Variants in NCAM1 observed in about 807,000 individuals in gnomAD.
NCAM1 encodes the protein neural cell adhesion molecule 1.
In NCAM1, 14 loss-of-function variants were observed where a neutral mutation model predicts 109.8. The ratio of observed to expected loss-of-function variants is 0.13; its 90% CI spans 0.08 to 0.20. The LOEUF (loss-of-function observed/expected upper bound fraction) is 0.20, where lower values mean the gene tolerates loss of function less well. Ranked by LOEUF, NCAM1 falls within the 10% of genes least tolerant of loss-of-function variation. The pLI is 1.00. For missense variants in NCAM1, 774 were observed against 1,109.9 expected (o/e 0.70, Z 4.30); for synonymous variants, 418 against 442.9 (o/e 0.94, Z 0.70).
At chr11:113,237,881 T>G (rs55977018) in intron 14 of NCAM1, among the ~76,000 whole-genome samples, 51,072 of 116,854 alleles carry the variant, frequency 0.44, 10,286 homozygotes, top group East Asian at 0.62. Flanking sequence ...TAGATATATA[T>G]AGATATATAG....
At position 113,258,448 on chromosome 11, in the gene NCAM1, T is replaced by C. The variant is rs1176019985; in HGVS notation, c.1954-1698T>C. Among the ~76,000 whole-genome samples, 3 of 152,174 alleles carry C rather than the reference T, an allele frequency of 2.0e-5. 1 individual carries two copies. Among genetic ancestry groups the C allele is most frequent in the Non-Finnish European group, 4.4e-5 (3 of 68,020 alleles). ...CACTGCATGGAATAGAAAAACCTTA[T>C]TCAGTCCAACAGATGTTTGCTGAGC... On this transcript the variant is annotated intron_variant, in intron 16 of 19. Coordinates refer to ENST00000316851, the MANE Select transcript of NCAM1 (RefSeq NM_181351.5).
At chr11:113,180,179 C>CA (rs1943289026) in intron 1 of NCAM1, among the ~76,000 whole-genome samples, 1 of 152,152 alleles carries the variant, frequency 6.6e-6, no homozygotes. Context: ...ATCTCATAGG[C>CA]ATTGAACAGC....
intron 1 of NCAM1, among the ~76,000 whole-genome samples, chr11:113,199,609 AACATCACG>A (rs1159148251): frequency 2.0e-5 from 3 of 150,428 alleles, no homozygotes; most frequent in Non-Finnish European, 4.4e-5. Flanking sequence ...TGGGAAGGGG[AACATCACG>A]CTCTGGGGAC....
chr11:113,249,782 C>T (rs1945610396), intron 15 of NCAM1, among the ~76,000 whole-genome samples: 1 of 152,186 alleles, frequency 6.6e-6, no homozygotes, highest in Admixed American at 6.5e-5. Context: ...GAGAAGGGAA[C>T]TGGTATTTTT....
chr11:113,249,993 G>A (rs1945620895), intron 15 of NCAM1, among the ~76,000 whole-genome samples: 1 of 152,188 alleles, frequency 6.6e-6, no homozygotes, highest in Non-Finnish European at 1.5e-5. Flanking sequence ...GGAACCGGCC[G>A]TGCCCACACT....
chr11:113,029,412 G>A lies in NCAM1; in HGVS notation c.52+67748G>A, dbSNP rs114622837. Among the ~76,000 whole-genome samples, 1,341 of 152,274 alleles carry A rather than the reference G, an allele frequency of 8.8e-3. 18 individuals are homozygous for A. The highest frequency in any genetic ancestry group is 0.03 in the African/African-American group (1,262 of 41,546). On this transcript the variant is annotated intron_variant, in intron 1 of 19. Coordinates refer to ENST00000316851, the MANE Select transcript of NCAM1 (RefSeq NM_181351.5). ...TGTCCCACCCCTTCTCAGTTGATTT[G>A]CATGTAGTATTACAAAGTTATCTAA...
At chr11:113,202,789 A>G (rs782028340) in intron 2 of NCAM1, among the ~76,000 whole-genome samples, 3 of 152,240 alleles carry the variant, frequency 2.0e-5, no homozygotes, top group Non-Finnish European at 2.9e-5. Context: ...GTAAATGACA[A>G]TGGAGAACAG....
chr11:113,122,992 G>A (rs1165290621), intron 1 of NCAM1, among the ~76,000 whole-genome samples: 6 of 152,126 alleles, frequency 3.9e-5, no homozygotes, highest in Non-Finnish European at 8.8e-5. Context: ...CTCATATGTG[G>A]GAGCTAAAAA....
At chr11:113,111,756 G>C (rs1213604380) in intron 1 of NCAM1, among the ~76,000 whole-genome samples, 1 of 150,406 alleles carries the variant, frequency 6.6e-6, no homozygotes, top group Non-Finnish European at 1.5e-5. Flanking sequence ...TTACAAATAT[G>C]TATCACATAT....
At chr11:113,079,856 C>T (rs575660900) in intron 1 of NCAM1, among the ~76,000 whole-genome samples, 83 of 152,238 alleles carry the variant, frequency 5.5e-4, no homozygotes, top group African/African-American at 1.6e-3. Context: ...AAAACTATTT[C>T]GAGATTGGCA....
chr11:113,160,708 A>G (rs1942573357), intron 1 of NCAM1, among the ~76,000 whole-genome samples: 1 of 152,116 alleles, frequency 6.6e-6, no homozygotes, highest in South Asian at 2.1e-4. Context: ...ACTTAAAATG[A>G]TTGCTTTTGC....
intron 1 of NCAM1, among the ~76,000 whole-genome samples, chr11:113,038,653 C>G (rs1952971556): frequency 6.6e-6 from 1 of 152,200 alleles, no homozygotes; most frequent in Non-Finnish European, 1.5e-5. Context: ...CTGTGGAGGG[C>G]TTGGGCCCAC....
At chr11:112,997,633 C>T (rs782460404) in intron 1 of NCAM1, among the ~76,000 whole-genome samples, 1 of 152,112 alleles carries the variant, frequency 6.6e-6, no homozygotes, top group East Asian at 1.9e-4. Flanking sequence ...ATGTAGCCCC[C>T]TCCTCTCTTT....
intron 1 of NCAM1, among the ~76,000 whole-genome samples, chr11:113,190,820 G>T (rs1466665792): frequency 6.6e-6 from 1 of 152,084 alleles, no homozygotes; most frequent in Non-Finnish European, 1.5e-5. Flanking sequence ...GTGGGGAATG[G>T]ACTCTCCATC....
At chr11:113,226,529 A>G (rs529553836) in intron 9 of NCAM1, among the ~76,000 whole-genome samples, 40 of 152,226 alleles carry the variant, frequency 2.6e-4, no homozygotes, top group Non-Finnish European at 5.6e-4. Flanking sequence ...CACAAGACAG[A>G]AAGTTAACAA....
At chr11:113,011,963 C>CG in intron 1 of NCAM1, among the ~76,000 whole-genome samples, 1 of 127,078 alleles carries the variant, frequency 7.9e-6, no homozygotes, top group Admixed American at 8.5e-5. Flanking sequence ...TCCTTCTCTC[C>CG]TTTCCTTCCT....
Position 113,207,241 on chromosome 11 carries a change from G to A in NCAM1, c.629-20G>A. On this transcript the variant is annotated intron_variant, in intron 5 of 19. Coordinates refer to ENST00000316851, the MANE Select transcript of NCAM1 (RefSeq NM_181351.5). The stretch of plus-strand genomic sequence containing the variant: ...TTCCAAATTTTCACAACCACCCCAT[G>A]ACACCCTTTTTTCCTTCAGTGCCAC... 1 of 1,605,238 alleles carries A rather than the reference G, an allele frequency of 6.2e-7. No individual in the cohort carries two copies. The highest frequency in any genetic ancestry group is 8.5e-7 in the Non-Finnish European group (1 of 1,172,184).
intron 1 of NCAM1, among the ~76,000 whole-genome samples, chr11:113,063,376 C>T (rs1488361443): frequency 6.6e-6 from 1 of 152,214 alleles, no homozygotes; most frequent in Non-Finnish European, 1.5e-5. Flanking sequence ...CACTGCCTAG[C>T]CTGGCCTGGC....
At chr11:113,026,331 G>A (rs184298991) in intron 1 of NCAM1, among the ~76,000 whole-genome samples, 78 of 152,222 alleles carry the variant, frequency 5.1e-4, no homozygotes, top group Non-Finnish European at 8.4e-4. Flanking sequence ...TGAAGTTAAC[G>A]TCGCAGTTAA....
Sources: gnomAD v4.1 joint callset for allele counts (sites outside exome capture counted in the v4.1 genomes callset) on GRCh38, gnomAD v4.1.1 for gene constraint, MANE v1.5 for transcripts, NCBI Gene and HGNC (gene_info 2026-07-23, HGNC 2026-07-21) for gene names.